The following MARCHF1 variants were observed in gnomAD, a reference collection of about 807,000 sequenced individuals.
MARCHF1 encodes membrane associated ring-CH-type finger 1, also known as E3 ubiquitin-protein ligase MARCHF1.
MARCHF1 carries 40 observed loss-of-function variants against 54.2 expected under a neutral mutation model. The observed-to-expected ratio is 0.74, with a 90% CI of 0.57 to 0.96. The LOEUF is 0.96. Among genes scored for constraint, MARCHF1 ranks in the 40% least tolerant of loss-of-function variants. MARCHF1 has a pLI of 0.00. For missense variants in MARCHF1, 586 were observed against 656.5 expected (o/e 0.89, Z 1.17); for synonymous variants, 236 against 236.3 (o/e 1.00, Z 0.01).
intron 5 of MARCHF1, among the ~76,000 whole-genome samples, chr4:163,620,604 CACAGAGAGAGAGAGAG>C (rs746399096): frequency 0.012 from 582 of 49,680 alleles, 4 homozygotes; most frequent in East Asian, 0.047. Context: ...CACACACACA[CACAGAGAGAGAGAGAG>C]AGAGAGAGAG....
At chr4:163,575,810 TAG>T (rs1740017461) in intron 8 of MARCHF1, among the ~76,000 whole-genome samples, 1 of 152,098 alleles carries the variant, frequency 6.6e-6, no homozygotes, top group African/African-American at 2.4e-5. Context: ...CTTTTACCTC[TAG>T]ATTTTCTAGT....
chr4:164,190,433 A>G (rs1445269071), intron 1 of MARCHF1: 1 of 431,152 alleles, frequency 2.3e-6, no homozygotes, highest in Non-Finnish European at 4.1e-6. Context: ...TGTAATTGGA[A>G]TTGTCACCTC....
chr4:164,042,465 AAACAGATCTCATGAG>A (rs1301048076), intron 2 of MARCHF1, among the ~76,000 whole-genome samples: 1 of 152,148 alleles, frequency 6.6e-6, no homozygotes, highest in East Asian at 1.9e-4. Context: ...AGTTTTAAAC[AAACAGATCTCATGAG>A]AACACACTCA....
chr4:163,706,199 T>C (rs1348694851), intron 4 of MARCHF1, among the ~76,000 whole-genome samples: 1 of 152,036 alleles, frequency 6.6e-6, no homozygotes, highest in African/African-American at 2.4e-5. Context: ...ATCTCCCATA[T>C]AATTTCTTAC....
chr4:164,199,665 CACACACACACACACACAGAG>C (rs750473994), intron 1 of MARCHF1, among the ~76,000 whole-genome samples: 10,723 of 82,428 alleles, frequency 0.13, 514 homozygotes, highest in Admixed American at 0.23. Flanking sequence ...CACACACACA[CACACACACACACACACAGAG>C]AGAGAGAGAG....
At position 163,541,524 on chromosome 4, in the gene MARCHF1, A is replaced by T. The variant is rs185673471; in HGVS notation, c.1339+4072T>A. Among the ~76,000 whole-genome samples, 328 of 151,946 alleles carry T rather than the reference A, an allele frequency of 2.2e-3. 1 individual carries two copies. The highest frequency in any genetic ancestry group is 3.6e-3 in the Admixed American group (55 of 15,248). ...AAGCTCCAAGTACCATATATTTGCT[A>T]TTTTTTTTCCTGTCATCGCAGGGGA... is the stretch of plus-strand genomic sequence containing the variant. On this transcript the variant is annotated intron_variant, in intron 9 of 9. Transcript: ENST00000514618.
At chr4:163,626,635 C>G (rs1741879577) in intron 5 of MARCHF1, among the ~76,000 whole-genome samples, 1 of 152,108 alleles carries the variant, frequency 6.6e-6, no homozygotes. Flanking sequence ...AATATTAAAA[C>G]TAGTTCTAGG....
chr4:164,336,477 T>A (rs1729745054), intron 1 of MARCHF1, among the ~76,000 whole-genome samples: 1 of 152,228 alleles, frequency 6.6e-6, no homozygotes, highest in African/African-American at 2.4e-5. Flanking sequence ...TATTTTATAA[T>A]ACATTGCAAA....
chr4:163,689,827 A>G (rs1427897308), intron 5 of MARCHF1, among the ~76,000 whole-genome samples: 2 of 152,232 alleles, frequency 1.3e-5, no homozygotes, highest in East Asian at 3.8e-4. Flanking sequence ...TAAGTCTACT[A>G]ATTTATATTA....
At chr4:163,930,703 T>A (rs1751652795) in intron 3 of MARCHF1, among the ~76,000 whole-genome samples, 2 of 152,092 alleles carry the variant, frequency 1.3e-5, no homozygotes, top group Admixed American at 6.6e-5. Context: ...GTTCACTAGG[T>A]ACATTGTCAA....
chr4:164,312,169 C>G (rs1734865598), intron 1 of MARCHF1, among the ~76,000 whole-genome samples: 1 of 152,100 alleles, frequency 6.6e-6, no homozygotes, highest in South Asian at 2.1e-4. Context: ...CCTCCAGAAA[C>G]AGCAAATTCA....
At chr4:164,207,086 A>T (rs946558980) in intron 1 of MARCHF1, among the ~76,000 whole-genome samples, 1 of 152,228 alleles carries the variant, frequency 6.6e-6, no homozygotes, top group Non-Finnish European at 1.5e-5. Context: ...AACAATAGAA[A>T]GTTCTTTTCC....
rs1241072762 is a variant in MARCHF1 at position 163,528,853 on chromosome 4, A to T, written c.1533T>A (p.Asn511Lys). ...CAGCATCTTTGATGTCTGTGTTTAC[A>T]TTACATGAGAAGTTCTTCTCCAGTT... ...AKKLEKNFSC[N>K]VNTDIKDAVV... The change falls in exon 10 of 10, where the codon AAT (asparagine) becomes AAA (lysine). Residue 511 changes from asparagine (N) to lysine (K), a missense_variant. By Grantham distance (94) the Asn-to-Lys change is moderately conservative. Transcript: ENST00000514618. The T allele has an allele frequency of 6.2e-7, 1 of 1,613,186 alleles. No homozygotes were observed. Among genetic ancestry groups the T allele is most frequent in the African/African-American group, 1.3e-5 (1 of 74,866 alleles).
At chr4:163,737,659 T>C (rs1258409544) in intron 4 of MARCHF1, among the ~76,000 whole-genome samples, 2 of 126,364 alleles carry the variant, frequency 1.6e-5, no homozygotes, top group Non-Finnish European at 3.8e-5. Context: ...CATGAAGAAA[T>C]GCTCATCATC....
Position 163,549,083 on chromosome 4 carries a change from A to G in MARCHF1, c.1192-3340T>C, listed in dbSNP as rs553943332. Among the ~76,000 whole-genome samples, 8 of 152,336 alleles carry G rather than the reference A, an allele frequency of 5.3e-5. No homozygotes were observed. In the East Asian group the frequency reaches 9.6e-4, roughly 18 times the overall value. On this transcript the variant is annotated intron_variant, in intron 8 of 9. Transcript: ENST00000514618. ...TCTAGAGAAGGTTGTTCCTGAGAAG[A>G]TCCTCTTCAGGTCCCCAAAGTGTGG...
chr4:163,986,317 T>G (rs1301952142), intron 3 of MARCHF1, among the ~76,000 whole-genome samples: 2 of 131,994 alleles, frequency 1.5e-5, no homozygotes, highest in Admixed American at 8.6e-5. Context: ...CAGGCTGGAG[T>G]GCAGTGGCGC....
At chr4:163,533,680 A>AT (rs57042046) in intron 9 of MARCHF1, among the ~76,000 whole-genome samples, 12 of 144,130 alleles carry the variant, frequency 8.3e-5, no homozygotes, top group Middle Eastern at 3.6e-3. Flanking sequence ...TTTTATATAT[A>AT]ATATATATAT....
At chr4:164,258,391 T>TATAATAATAATAATAATAATA (rs201820317) in intron 1 of MARCHF1, among the ~76,000 whole-genome samples, 2,025 of 145,902 alleles carry the variant, frequency 0.014, 37 homozygotes, top group African/African-American at 0.045. Context: ...GAACTTAAAG[T>TATAATAATAATAATAATAATA]ATAATAATAA....
chr4:164,305,904 A>G (rs1470447539), intron 1 of MARCHF1, among the ~76,000 whole-genome samples: 3 of 152,134 alleles, frequency 2.0e-5, no homozygotes, highest in Non-Finnish European at 4.4e-5. Context: ...TATGTCAACT[A>G]AAAATTAAAG....
Sources: allele counts gnomAD v4.1 joint callset (sites outside exome capture counted in the v4.1 genomes callset), GRCh38; gene constraint gnomAD v4.1.1; transcripts MANE v1.5; gene names NCBI Gene and HGNC (gene_info 2026-07-23, HGNC 2026-07-21).